The following ADGRB3 variants were observed in gnomAD, a reference collection of about 807,000 sequenced individuals.
The protein encoded by ADGRB3 is brain-specific angiogenesis inhibitor 3.
In ADGRB3, 37 loss-of-function variants were observed where a neutral mutation model predicts 193.4. The ratio of observed to expected loss-of-function variants is 0.19; its 90% CI spans 0.15 to 0.25. ADGRB3 has a LOEUF of 0.25. Ranked by LOEUF, ADGRB3 falls within the 10% of genes least tolerant of loss-of-function variation. ADGRB3 has a pLI of 1.00. For missense variants in ADGRB3, 1,637 were observed against 1,852.9 expected (o/e 0.88, Z 2.14); for synonymous variants, 690 against 644.2 (o/e 1.07, Z -1.08).
intron 30 of ADGRB3, among the ~76,000 whole-genome samples, chr6:69,378,430 G>A (rs1316642610): frequency 1.3e-5 from 2 of 152,004 alleles, no homozygotes; most frequent in African/African-American, 4.8e-5. Flanking sequence ...CTCACTACTT[G>A]TGTGAGCTTG....
At chr6:68,939,340 G>A (rs1177275853) in intron 5 of ADGRB3, among the ~76,000 whole-genome samples, 3 of 152,134 alleles carry the variant, frequency 2.0e-5, no homozygotes, top group East Asian at 3.9e-4. Context: ...TCCAATAATG[G>A]AACACTAGGC....
intron 20 of ADGRB3, among the ~76,000 whole-genome samples, chr6:69,247,076 T>C (rs1383298975): frequency 6.6e-6 from 1 of 152,140 alleles, no homozygotes; most frequent in Non-Finnish European, 1.5e-5. Context: ...CACTATAACA[T>C]TCTTCTAACT....
chr6:69,332,796 G>C, intron 23 of ADGRB3, 127 bp from the exon 24 acceptor site: 2 of 1,442,272 alleles, frequency 1.4e-6, no homozygotes, highest in Non-Finnish European at 9.1e-7. Context: ...TAAAATGTTT[G>C]AGAGTGCTTC....
At chr6:69,142,484 G>A (rs1430072300) in intron 17 of ADGRB3, among the ~76,000 whole-genome samples, 2 of 152,182 alleles carry the variant, frequency 1.3e-5, no homozygotes, top group South Asian at 2.1e-4. Context: ...TTCCCTATAT[G>A]GACTTGTACC....
At chr6:69,039,734 GT>G (rs1262698023) in intron 13 of ADGRB3, among the ~76,000 whole-genome samples, 8 of 140,972 alleles carry the variant, frequency 5.7e-5, no homozygotes, top group Non-Finnish European at 9.3e-5. Context: ...TTACATAATT[GT>G]TTTTTTCTTT....
At chr6:68,893,733 T>TAAG (rs1007593753) in intron 3 of ADGRB3, among the ~76,000 whole-genome samples, 3 of 152,000 alleles carry the variant, frequency 2.0e-5, no homozygotes, top group African/African-American at 7.2e-5. Context: ...TTTCCAAATA[T>TAAG]AAGTTAAAAA....
intron 17 of ADGRB3, among the ~76,000 whole-genome samples, chr6:69,149,818 C>G (rs1343334987): frequency 6.6e-6 from 1 of 152,084 alleles, no homozygotes; most frequent in East Asian, 1.9e-4. Context: ...ACTTGGTGGT[C>G]TCGCGTAGCA....
At chr6:68,967,303 A>G (rs1768410826) in intron 8 of ADGRB3, among the ~76,000 whole-genome samples, 1 of 152,186 alleles carries the variant, frequency 6.6e-6, no homozygotes, top group Non-Finnish European at 1.5e-5. Context: ...CCAAACTGAT[A>G]GTCATTAAGA....
intron 6 of ADGRB3, among the ~76,000 whole-genome samples, chr6:68,952,955 ATG>A (rs1381350678): frequency 3.3e-5 from 5 of 152,198 alleles, no homozygotes; most frequent in African/African-American, 1.2e-4. Flanking sequence ...CTACAAATAT[ATG>A]AATTTAAAGT....
intron 3 of ADGRB3, among the ~76,000 whole-genome samples, chr6:68,708,391 T>G (rs950662181): frequency 3.3e-5 from 5 of 152,192 alleles, no homozygotes; most frequent in Non-Finnish European, 5.9e-5. Flanking sequence ...TCCTGGACCC[T>G]GTGCCTCCCA....
intron 13 of ADGRB3, among the ~76,000 whole-genome samples, chr6:69,045,921 C>CT (rs1771223808): frequency 6.6e-6 from 1 of 152,064 alleles, no homozygotes; most frequent in African/African-American, 2.4e-5. Flanking sequence ...AAAGTACAGT[C>CT]TAATTTATAT....
At chr6:69,148,181 T>C (rs899599810) in intron 17 of ADGRB3, among the ~76,000 whole-genome samples, 1 of 152,200 alleles carries the variant, frequency 6.6e-6, no homozygotes, top group Non-Finnish European at 1.5e-5. Flanking sequence ...ATTTGTTTTC[T>C]GGTTGTTTTG....
In ADGRB3 at chr6:69,361,306, G is replaced by T; in HGVS notation, c.4033G>T (p.Val1345Leu). 1 of 1,612,856 alleles carries T rather than the reference G, an allele frequency of 6.2e-7. No homozygotes were observed. Among genetic ancestry groups the T allele is most frequent in the Non-Finnish European group, 8.5e-7 (1 of 1,179,244 alleles). Residue 1345 changes from valine (V) to leucine (L), a missense_variant, in exon 29 of 32, where the codon GTA (valine) becomes TTA (leucine). Transcript: ENST00000370598. ...LPHERLLHYK[V>L]NPEFNMNPPV... ...GCATGAAAGGCTATTGCACTACAAA[G>T]TAAACCCTGAATTCAATATGAATCC...
rs1469405851 is a variant in ADGRB3, at chr6:69,240,254, A to C, written c.2814+1028A>C. Among the ~76,000 whole-genome samples, 4 of 152,042 alleles carry C rather than the reference A, an allele frequency of 2.6e-5. No homozygotes were observed. The East Asian group carries it at 7.7e-4, about 29-fold the overall frequency. On this transcript the variant is annotated intron_variant, in intron 20 of 31. Transcript: ENST00000370598. ...GGAGGCTGCTTTAAGTGATTCTGATAAATGTTTCTTCTTGGCCCACATTGC... is the reference window on the plus strand; with the variant it reads ...GGAGGCTGCTTTAAGTGATTCTGATCAATGTTTCTTCTTGGCCCACATTGC...
Position 69,120,702 on chromosome 6 carries a change from C to G in ADGRB3, c.2480+44664C>G, listed in dbSNP as rs1051573691. ...GGCTGGAGATGGGGATGGTGCAACA[C>G]AGTTTACCTCTTTTTTTTGCTAAAA... On this transcript the variant is annotated intron_variant, in intron 17 of 31. Transcript: ENST00000370598. 2.0e-5 allele frequency among the ~76,000 whole-genome samples: 3 copies of G among 152,122 alleles called. No individual in the cohort carries two copies. In the South Asian group the frequency reaches 6.2e-4, roughly 32 times the overall value.
chr6:69,048,649 T>C (rs1470034744), intron 14 of ADGRB3, among the ~76,000 whole-genome samples: 1 of 152,170 alleles, frequency 6.6e-6, no homozygotes, highest in African/African-American at 2.4e-5. Context: ...CCTTTAGCTA[T>C]TGAAATGTGT....
chr6:68,785,197 G>T (rs952747421), intron 3 of ADGRB3, among the ~76,000 whole-genome samples: 8 of 151,860 alleles, frequency 5.3e-5, no homozygotes, highest in African/African-American at 1.9e-4. Flanking sequence ...GGGTACATGT[G>T]CACAACGTGC....
chr6:68,746,885 G>GT (rs763509140), intron 3 of ADGRB3, among the ~76,000 whole-genome samples: 2 of 151,894 alleles, frequency 1.3e-5, no homozygotes, highest in African/African-American at 2.4e-5. Flanking sequence ...TTCCCTTGTG[G>GT]TTTTTTGTAT....
At chr6:69,046,687 T>G (rs1238968078) in intron 13 of ADGRB3, among the ~76,000 whole-genome samples, 1 of 152,206 alleles carries the variant, frequency 6.6e-6, no homozygotes. Flanking sequence ...TGAAAGAACT[T>G]TAATAAAGTA....
Sources: allele counts gnomAD v4.1 joint callset (sites outside exome capture counted in the v4.1 genomes callset), GRCh38; gene constraint gnomAD v4.1.1; transcripts MANE v1.5; gene names NCBI Gene and HGNC (gene_info 2026-07-23, HGNC 2026-07-21).